ZNF845: variants seen among roughly 807,000 people sequenced by gnomAD.
ZNF845 encodes the protein zinc finger protein 845.
ZNF845 carries 59 observed loss-of-function variants against 76.1 expected under a neutral mutation model. The ratio of observed to expected loss-of-function variants is 0.78; its 90% CI spans 0.63 to 0.96. The LOEUF is 0.96. Ranked by LOEUF, ZNF845 falls within the 40% of genes least tolerant of loss-of-function variation. The probability of loss-of-function intolerance (pLI) is 0.00; values close to 1 mark genes in which losing one functional copy is unlikely to be tolerated. For synonymous variants in ZNF845, 361 were observed against 386.9 expected (o/e 0.93, Z 0.78); for missense variants, 1,045 against 1,172.8 (o/e 0.89, Z 1.59).
chr19:53,345,958 C>G (rs978358452), intron 3 of ZNF845, among the ~76,000 whole-genome samples: 10 of 151,898 alleles, frequency 6.6e-5, no homozygotes, highest in African/African-American at 2.4e-4. Flanking sequence ...AGAGATCCTC[C>G]TTGGCCTCCT....
At position 53,356,758 on chromosome 19, in the gene ZNF845, T is replaced by C. The variant is rs1419406887; in HGVS notation, c.*3170T>C. On this transcript the variant is annotated 3_prime_UTR_variant, in exon 4 of 4. Transcript: ENST00000458035. ...TCCTGGCTAACACGGTGAAACCCCG[T>C]CTCTACTAAAAATACAAAAAATTAG... The C allele has an allele frequency of 6.6e-6, 1 of 151,564 alleles. No individual in the cohort carries two copies. The highest frequency in any genetic ancestry group is 2.0e-4 in the East Asian group (1 of 5,120). 9.4% of individuals were successfully genotyped at this position (151,564 alleles called of 1,614,324 possible).
chr19:53,337,153 C>T (rs1409181189), intron 1 of ZNF845: 2 of 456,950 alleles, frequency 4.4e-6, no homozygotes, highest in East Asian at 7.0e-5. Flanking sequence ...TTGCTTTTCT[C>T]TTTTCCCAAA....
intron 2 of ZNF845, among the ~76,000 whole-genome samples, chr19:53,344,126 A>G (rs556217142): frequency 2.6e-5 from 4 of 152,108 alleles, no homozygotes; most frequent in Non-Finnish European, 5.9e-5. Context: ...GGCATGTGCC[A>G]CTGTGCCAGG....
chr19:53,338,081 C>T (rs2085228667), intron 1 of ZNF845, among the ~76,000 whole-genome samples: 1 of 152,128 alleles, frequency 6.6e-6, no homozygotes, highest in Admixed American at 6.6e-5. Context: ...ATCTTGGCCA[C>T]AGGACAACTG....
At position 53,350,259 on chromosome 19, in the gene ZNF845, G is replaced by T. The variant is rs887697386; in HGVS notation, c.143-559G>T. ...AGCAATTCTTGTGCCTCAGCCTCCTGAGTAGCTGGGACTACAGGCATGGGC... is the reference window on the plus strand; with the variant it reads ...AGCAATTCTTGTGCCTCAGCCTCCTTAGTAGCTGGGACTACAGGCATGGGC... On this transcript the variant is annotated intron_variant, in intron 3 of 3. Coordinates refer to ENST00000458035, the MANE Select transcript of ZNF845 (RefSeq NM_138374.3). Among the ~76,000 whole-genome samples the T allele has an allele frequency of 2.6e-4, 39 of 151,902 alleles. 2 individuals carry two copies. Among genetic ancestry groups the T allele is most frequent in the Admixed American group, 3.9e-4 (6 of 15,254 alleles).
chr19:53,343,775 T>C (rs1000642323), intron 2 of ZNF845, among the ~76,000 whole-genome samples: 2 of 152,164 alleles, frequency 1.3e-5, no homozygotes, highest in South Asian at 2.1e-4. Flanking sequence ...TGTGGACATA[T>C]GTATATATAA....
Position 53,345,491 on chromosome 19 carries a change from G to A in ZNF845, c.16-15G>A. 1 of 1,613,556 alleles carries A rather than the reference G, an allele frequency of 6.2e-7. No homozygotes were observed. Among genetic ancestry groups the A allele is most frequent in the Non-Finnish European group, 8.5e-7 (1 of 1,179,682 alleles). On this transcript the variant is annotated splice_polypyrimidine_tract_variant and intron_variant, in intron 2 of 3. Coordinates refer to ENST00000458035, the MANE Select transcript of ZNF845 (RefSeq NM_138374.3). The stretch of plus-strand genomic sequence containing the variant: ...CCTCCCATAACCATTTCCTTAAAAT[G>A]TGTTTTCATTTCAGGGTCTATTGAC...
Position 53,353,020 on chromosome 19 carries a change from A to G in ZNF845, c.2345A>G (p.Lys782Arg), listed in dbSNP as rs1258610956. ...EKPYKCKVCD[K>R]AFGRDSHLAQ... Reference sequence around the variant, plus strand: ...CCATACAAATGTAAGGTTTGTGACAAAGCTTTTGGGCGTGATTCACACCTG... The same window carrying G: ...CCATACAAATGTAAGGTTTGTGACAGAGCTTTTGGGCGTGATTCACACCTG... The change falls in exon 4 of 4, where the codon AAA (lysine) becomes AGA (arginine). Residue 782 changes from lysine (K) to arginine (R), a missense_variant. Coordinates refer to ENST00000458035, the MANE Select transcript of ZNF845 (RefSeq NM_138374.3). 6.2e-7 allele frequency: 1 copy of G among 1,613,928 alleles called. No homozygotes were observed. The highest frequency in any genetic ancestry group is 2.2e-5 in the East Asian group (1 of 44,790).
In ZNF845 at chr19:53,351,633, A is replaced by G. The variant is rs756008038; in HGVS notation, c.958A>G (p.Ile320Val). Residue 320 changes from isoleucine (I) to valine (V), a missense_variant, in exon 4 of 4, where the codon ATT (isoleucine) becomes GTT (valine). By Grantham distance (29) the Ile-to-Val change is conservative (BLOSUM62 3). Transcript: ENST00000458035. ...TTCAGCCCTTGTAATTCATAAGGCA[A>G]TTCATACTGGAGAGAAATCTTACAA... The part of the protein sequence containing the change: ...RNSALVIHKA[I>V]HTGEKSYKCN... 9.9e-5 allele frequency: 160 copies of G among 1,613,850 alleles called. No individual in the cohort carries two copies. Among genetic ancestry groups the G allele is most frequent in the Non-Finnish European group, 1.2e-4 (141 of 1,179,928 alleles).
intron 1 of ZNF845, among the ~76,000 whole-genome samples, chr19:53,338,165 A>G (rs1430347985): frequency 6.6e-6 from 1 of 152,142 alleles, no homozygotes; most frequent in Non-Finnish European, 1.5e-5. Flanking sequence ...GGGCAAGTGC[A>G]AGGATGGTCC....
rs2085371297 is a variant in ZNF845, at chr19:53,354,583, T to A, written c.*995T>A. The A allele has an allele frequency of 6.4e-6, 1 of 155,864 alleles. No individual in the cohort carries two copies. 9.7% of individuals were successfully genotyped at this position (155,864 alleles called of 1,614,324 possible). A position where few individuals can be genotyped will look rare whatever the true frequency, so the allele number is the denominator to read the frequency against. On this transcript the variant is annotated 3_prime_UTR_variant, in exon 4 of 4. Coordinates refer to ENST00000458035, the MANE Select transcript of ZNF845 (RefSeq NM_138374.3). ...CTGTTGAATCTAAATCACATTTGTT[T>A]GTATAATCATTCAACAATATTAAGA...
In ZNF845 at chr19:53,337,374, CTT is replaced by C. The variant is rs147513977; in HGVS notation, c.-74+3586_-74+3587del. Among the ~76,000 whole-genome samples the C allele has an allele frequency of 4.1e-4, 62 of 151,984 alleles. 1 individual carries two copies. The East Asian group carries it at 0.012, about 29-fold the overall frequency. ...CTGCATCAGTCACATCAGAAACACTCTTTTTATTTTATTTTCTTTTTTTTAGA... is the reference window on the plus strand; with the variant it reads ...CTGCATCAGTCACATCAGAAACACTCTTTATTTTATTTTCTTTTTTTTAGA... On this transcript the variant is annotated intron_variant, in intron 1 of 3. Coordinates refer to ENST00000458035, the MANE Select transcript of ZNF845 (RefSeq NM_138374.3).
At chr19:53,336,152 C>T (rs570848018) in intron 1 of ZNF845, among the ~76,000 whole-genome samples, 1 of 148,738 alleles carries the variant, frequency 6.7e-6, no homozygotes, top group South Asian at 2.1e-4. Flanking sequence ...GCGGAGGTTG[C>T]AGTGAGCCAA....
At chr19:53,338,196 C>T (rs1156574026) in intron 1 of ZNF845, among the ~76,000 whole-genome samples, 1 of 152,128 alleles carries the variant, frequency 6.6e-6, no homozygotes, top group Non-Finnish European at 1.5e-5. Flanking sequence ...CTGGAAATTT[C>T]AATTCTAATT....
chr19:53,345,462 A>C, intron 2 of ZNF845, 44 bp from the exon 3 acceptor site: 1 of 1,613,358 alleles, frequency 6.2e-7, no homozygotes, highest in Non-Finnish European at 8.5e-7. Flanking sequence ...TAAAGATAAG[A>C]ACTCCTCCCA....
At position 53,355,275 on chromosome 19, in the gene ZNF845, G is replaced by T. The variant is rs1462239948; in HGVS notation, c.*1687G>T. 4.0e-5 allele frequency: 6 copies of T among 151,304 alleles called. No homozygotes were observed. Among genetic ancestry groups the T allele is most frequent in the African/African-American group, 1.5e-4 (6 of 41,164 alleles). The allele number at this position is 151,304 out of a possible 1,614,324, so 9.4% of individuals were successfully genotyped here. A position where few individuals can be genotyped will look rare whatever the true frequency, so the allele number is the denominator to read the frequency against. On this transcript the variant is annotated 3_prime_UTR_variant, in exon 4 of 4. Coordinates refer to ENST00000458035, the MANE Select transcript of ZNF845 (RefSeq NM_138374.3). The stretch of plus-strand genomic sequence containing the variant: ...AAATAATTTTTTTTTTTGAGACAAT[G>T]TCTCTCTCTGTCGCCAGGCTAGAGT...
intron 3 of ZNF845, chr19:53,346,497 G>A (rs4801978): frequency 0.85 from 203,018 of 237,628 alleles, 87,081 homozygotes; most frequent in Non-Finnish European, 0.89. Context: ...CCTGGCTAGC[G>A]TGGCGAAATT....
chr19:53,352,287 C>A lies in ZNF845; in HGVS notation c.1612C>A (p.Leu538Ile), dbSNP rs1215586906. ...CAAGACCTTTAGTCGGAAGTCATCC[C>A]TTACACGCCATTGTAGACTTCATAC... ...CGKTFSRKSS[L>I]TRHCRLHTGE... Residue 538 changes from leucine to isoleucine, a missense_variant, in exon 4 of 4, where the codon CTT becomes ATT. Coordinates refer to ENST00000458035, the MANE Select transcript of ZNF845 (RefSeq NM_138374.3). 2 of 1,613,694 alleles carry A rather than the reference C, an allele frequency of 1.2e-6. No individual in the cohort carries two copies. Among genetic ancestry groups the A allele is most frequent in the Non-Finnish European group, 1.7e-6 (2 of 1,179,906 alleles).
At chr19:53,346,296 T>C (rs574218378) in intron 3 of ZNF845, 32 of 359,046 alleles carry the variant, frequency 8.9e-5, no homozygotes, top group Non-Finnish European at 1.5e-4. Flanking sequence ...TCCCTTCTTA[T>C]TGACTTTTGT....
Sources: allele counts gnomAD v4.1 joint callset (sites outside exome capture counted in the v4.1 genomes callset), GRCh38; gene constraint gnomAD v4.1.1; transcripts MANE v1.5; gene names NCBI Gene and HGNC (gene_info 2026-07-23, HGNC 2026-07-21).